The following NDRG3 variants were observed in gnomAD, a reference collection of about 807,000 sequenced individuals.
The protein encoded by NDRG3 is protein NDRG3.
Under a neutral mutation model 57.2 loss-of-function variants are expected in NDRG3, and 23 were observed. That is an observed-to-expected ratio of 0.40 (90% CI 0.29 to 0.57). The LOEUF (loss-of-function observed/expected upper bound fraction) is 0.57, where lower values mean the gene tolerates loss of function less well. Ranked by LOEUF, NDRG3 falls within the 20% of genes least tolerant of loss-of-function variation. NDRG3 has a pLI of 0.42. For missense variants in NDRG3, 384 were observed against 457.3 expected (o/e 0.84, Z 1.46); for synonymous variants, 132 against 162.6 (o/e 0.81, Z 1.43).
At chr20:36,682,808 T>C (rs1187057395) in intron 6 of NDRG3, among the ~76,000 whole-genome samples, 3 of 152,280 alleles carry the variant, frequency 2.0e-5, no homozygotes, top group Non-Finnish European at 4.4e-5. Context: ...TCTTAGCACT[T>C]TGGGAGGCCG....
chr20:36,701,701 C>A (rs189447193), intron 3 of NDRG3, among the ~76,000 whole-genome samples: 1 of 151,606 alleles, frequency 6.6e-6, no homozygotes, highest in Admixed American at 6.6e-5. Flanking sequence ...GCATGCGCCA[C>A]CATGCCTGGC....
At chr20:36,684,268 T>C in intron 6 of NDRG3, 145 bp downstream of exon 6, 1 of 635,102 alleles carries the variant, frequency 1.6e-6, no homozygotes, top group Non-Finnish European at 2.8e-6. Context: ...ACTTTATTAT[T>C]TGTTTGCTTA....
chr20:36,683,655 T>C (rs768125093), intron 6 of NDRG3, among the ~76,000 whole-genome samples: 22 of 147,590 alleles, frequency 1.5e-4, no homozygotes, highest in Non-Finnish European at 3.0e-4. Flanking sequence ...TGTATATATA[T>C]GTATATATAC....
chr20:36,738,062 CA>C (rs199664442), intron 1 of NDRG3, among the ~76,000 whole-genome samples: 5,114 of 98,266 alleles, frequency 0.052, 83 homozygotes, highest in South Asian at 0.12. Context: ...GACTCTGTCT[CA>C]AAAAAAAAAA....
rs1229060650 is a variant in NDRG3, at chr20:36,715,004, GTGTATATATATATATATATA to G, written c.57+6655_57+6674del. ...TATCTGTGTGTGTGTGTGTGTGTGT[GTGTATATATATATATATATA>G]TATATATATATATATATATATATAT... is the stretch of plus-strand genomic sequence containing the variant. On this transcript the variant is annotated intron_variant, in intron 2 of 15. Coordinates refer to ENST00000349004, the MANE Select transcript of NDRG3 (RefSeq NM_032013.4). Among the ~76,000 whole-genome samples, 119 of 32,494 alleles carry G rather than the reference GTGTATATATATATATATATA, an allele frequency of 3.7e-3. 3 individuals are homozygous for G. The highest frequency in any genetic ancestry group is 8.5e-3 in the East Asian group (5 of 586). 21.3% of individuals were successfully genotyped at this position (32,494 alleles called of 152,430 possible). A position where few individuals can be genotyped will look rare whatever the true frequency, so the allele number is the denominator to read the frequency against.
chr20:36,707,124 T>G (rs2148169115), intron 2 of NDRG3, 117 bp from the exon 3 acceptor site: 2 of 912,170 alleles, frequency 2.2e-6, no homozygotes, highest in East Asian at 2.5e-5. Flanking sequence ...GCCATAAAAC[T>G]GAAATAGTTC....
chr20:36,738,518 C>T (rs1600978807), intron 1 of NDRG3, among the ~76,000 whole-genome samples: 1 of 151,360 alleles, frequency 6.6e-6, no homozygotes, highest in Non-Finnish European at 1.5e-5. Context: ...AAAAAAGCAA[C>T]ACCTTCAAAA....
chr20:36,690,932 T>C (rs562449435), intron 3 of NDRG3, among the ~76,000 whole-genome samples: 1 of 152,344 alleles, frequency 6.6e-6, no homozygotes, highest in South Asian at 2.1e-4. Flanking sequence ...CTAAGAGTGG[T>C]TGGGTGGAAA....
At position 36,680,799 on chromosome 20, in the gene NDRG3, C is replaced by T. The variant is rs1443342423; in HGVS notation, c.531+17G>A. ...TGGGCCAAGATAAGCCGATGGACAC[C>T]TTCATGTGGTACTTACTTTGGAAGC... On this transcript the variant is annotated intron_variant, in intron 8 of 15. Transcript: ENST00000349004. The T allele has an allele frequency of 3.1e-6, 5 of 1,609,804 alleles. No individual in the cohort carries two copies. Among genetic ancestry groups the T allele is most frequent in the Admixed American group, 3.3e-5 (2 of 59,968 alleles).
chr20:36,680,253 G>A (rs1220000718), intron 8 of NDRG3, among the ~76,000 whole-genome samples: 2 of 151,754 alleles, frequency 1.3e-5, no homozygotes, highest in South Asian at 2.1e-4. Flanking sequence ...TTGGGAGGCC[G>A]AGGCGGGTGG....
rs189425997 is a variant in NDRG3 at position 36,720,930 on chromosome 20, C to T, written c.57+749G>A. On this transcript the variant is annotated intron_variant, in intron 2 of 15. Coordinates refer to ENST00000349004, the MANE Select transcript of NDRG3 (RefSeq NM_032013.4). ...AGCTGGGATTACAGGTGTGTGCCAC[C>T]ACACCTAGCTAATTTTTCTATTTAT... Among the ~76,000 whole-genome samples, 643 of 151,764 alleles carry T rather than the reference C, an allele frequency of 4.2e-3. 1 individual carries two copies. The highest frequency in any genetic ancestry group is 7.1e-3 in the Non-Finnish European group (482 of 67,906).
At chr20:36,721,121 T>C (rs1191665102) in intron 2 of NDRG3, among the ~76,000 whole-genome samples, 1 of 151,988 alleles carries the variant, frequency 6.6e-6, no homozygotes, top group East Asian at 1.9e-4. Flanking sequence ...ATTTTTTCCC[T>C]TAGCATCTCT....
intron 1 of NDRG3, among the ~76,000 whole-genome samples, chr20:36,728,965 G>A (rs147392125): frequency 0.013 from 1,996 of 151,858 alleles, 48 homozygotes; most frequent in African/African-American, 0.046. Flanking sequence ...CAGGTGATCC[G>A]CCGACCTCAG....
intron 3 of NDRG3, among the ~76,000 whole-genome samples, chr20:36,692,070 T>C (rs1255444800): frequency 1.3e-5 from 2 of 152,110 alleles, no homozygotes; most frequent in South Asian, 2.1e-4. Flanking sequence ...AAGAAGACAT[T>C]ACCTTCACTA....
At chr20:36,665,434 G>T in intron 10 of NDRG3, 133 bp from the exon 11 acceptor site, 1 of 817,342 alleles carries the variant, frequency 1.2e-6, no homozygotes, top group Non-Finnish European at 2.0e-6. Flanking sequence ...GAAGGGAAGA[G>T]GCCCTATGAC....
chr20:36,664,362 C>T (rs1312761011), intron 12 of NDRG3, among the ~76,000 whole-genome samples: 1 of 152,126 alleles, frequency 6.6e-6, no homozygotes, highest in African/African-American at 2.4e-5. Flanking sequence ...CTACAATGAG[C>T]ATATATCATT....
At chr20:36,659,786 A>C (rs1409865697) in intron 13 of NDRG3, among the ~76,000 whole-genome samples, 2 of 151,634 alleles carry the variant, frequency 1.3e-5, no homozygotes, top group Non-Finnish European at 2.9e-5. Flanking sequence ...TTTTTAGTAG[A>C]GACGGGGTTT....
At chr20:36,743,558 T>C (rs899771076) in intron 1 of NDRG3, among the ~76,000 whole-genome samples, 3 of 151,470 alleles carry the variant, frequency 2.0e-5, no homozygotes, top group African/African-American at 7.3e-5. Context: ...CTCACGCCTG[T>C]AATCCCAGCA....
chr20:36,674,098 C>A (rs1337828765), intron 8 of NDRG3, among the ~76,000 whole-genome samples: 1 of 152,136 alleles, frequency 6.6e-6, no homozygotes, highest in African/African-American at 2.4e-5. Context: ...AAGAGTGAAA[C>A]TCCGTCTCAA....
Sources: allele counts gnomAD v4.1 joint callset (sites outside exome capture counted in the v4.1 genomes callset), GRCh38; gene constraint gnomAD v4.1.1; transcripts MANE v1.5; gene names NCBI Gene and HGNC (gene_info 2026-07-23, HGNC 2026-07-21).